C21orf91: variants seen among roughly 807,000 people sequenced by gnomAD.
C21orf91 encodes chromosome 21 open reading frame 91.
A neutral mutation model predicts 32.9 loss-of-function variants in C21orf91; 26 were observed. The ratio of observed to expected loss-of-function variants is 0.79; its 90% CI spans 0.58 to 1.10. C21orf91 has a LOEUF of 1.10. C21orf91 is among the 50% of genes least tolerant of loss of function. The pLI, the probability that C21orf91 is intolerant of heterozygous loss-of-function variation, is 0.00. For synonymous variants in C21orf91, 126 were observed against 120.4 expected (o/e 1.05, Z -0.31); for missense variants, 310 against 341.3 (o/e 0.91, Z 0.72).
chr21:17,793,520 A>G lies in C21orf91; in HGVS notation c.789T>C (p.His263=), dbSNP rs765697639. 4 of 1,613,860 alleles carry G rather than the reference A, an allele frequency of 2.5e-6. No homozygotes were observed. Among genetic ancestry groups the G allele is most frequent in the Non-Finnish European group, 3.4e-6 (4 of 1,179,786 alleles). The change falls in exon 5 of 5, where the codon CAT becomes CAC. Residue 263 remains histidine, a synonymous_variant. Transcript: ENST00000284881. ...GCTGTTCGATGGCAACGTGGCGGAC[A>G]TGGAGCTGTGAGGCCAAAGAATCTT... The part of the protein sequence containing the change: ...QEKDSLASQL[H]VRHVAIEQLL...
rs1301734842 is a variant in C21orf91, at chr21:17,790,563, T to C, written c.*2852A>G. The C allele has an allele frequency of 6.6e-6, 1 of 152,098 alleles. No homozygotes were observed. The highest frequency in any genetic ancestry group is 1.5e-5 in the Non-Finnish European group (1 of 67,934). 9.4% of individuals were successfully genotyped at this position (152,098 alleles called of 1,614,324 possible). ...TAAAAATGGGCACTTTGTGGTAAAA[T>C]GAACATGTGTTTTGAAAAACTAAGA... is the stretch of plus-strand genomic sequence containing the variant. On this transcript the variant is annotated 3_prime_UTR_variant, in exon 5 of 5. Coordinates refer to ENST00000284881, the MANE Select transcript of C21orf91 (RefSeq NM_001100420.2).
chr21:17,813,036 T>C (rs1244842246), intron 2 of C21orf91, among the ~76,000 whole-genome samples: 1 of 152,182 alleles, frequency 6.6e-6, no homozygotes, highest in African/African-American at 2.4e-5. Flanking sequence ...AAGATAAGTA[T>C]ATTAAAGATC....
chr21:17,796,934 C>T lies in C21orf91; in HGVS notation c.312G>A (p.Lys104=). The part of the protein sequence containing the change: ...INWIVQYAQN[K]DLDSDSECSK... ...AACATTCAGAATCTGAATCCAGATC[C>T]TTATTTTGTGCATACTGCACAATCC... is the stretch of plus-strand genomic sequence containing the variant. The change falls in exon 3 of 5, where the codon AAG becomes AAA. Residue 104 remains lysine, a synonymous_variant. Coordinates refer to ENST00000284881, the MANE Select transcript of C21orf91 (RefSeq NM_001100420.2). 1 of 1,613,304 alleles carries T rather than the reference C, an allele frequency of 6.2e-7. No individual in the cohort carries two copies. Among genetic ancestry groups the T allele is most frequent in the Non-Finnish European group, 8.5e-7 (1 of 1,179,448 alleles).
chr21:17,815,716 G>C (rs909435861), intron 2 of C21orf91, among the ~76,000 whole-genome samples: 2 of 151,568 alleles, frequency 1.3e-5, no homozygotes, highest in Admixed American at 1.3e-4. Flanking sequence ...GATGGAGTGC[G>C]ATGGCACAAT....
At chr21:17,799,427 G>A (rs1352163617) in intron 2 of C21orf91, among the ~76,000 whole-genome samples, 6 of 151,928 alleles carry the variant, frequency 3.9e-5, no homozygotes, top group Non-Finnish European at 8.8e-5. Context: ...ACTGAATCTG[G>A]CATCACCAAC....
chr21:17,796,443 TTGCTAAGGTG>T (rs1396817686), intron 3 of C21orf91, 129 bp downstream of exon 3: 4 of 651,528 alleles, frequency 6.1e-6, no homozygotes, highest in Non-Finnish European at 1.1e-5. Flanking sequence ...TGTCTCATTT[TTGCTAAGGTG>T]AACCTGTTAA....
intron 2 of C21orf91, among the ~76,000 whole-genome samples, chr21:17,812,644 C>T (rs1026948676): frequency 2.6e-5 from 4 of 152,036 alleles, no homozygotes; most frequent in Admixed American, 2.6e-4. Context: ...CCCGTCTCTA[C>T]TAAAACTACA....
rs2062489929 is a variant in C21orf91, at chr21:17,793,119, T to A, written c.*296A>T. The stretch of plus-strand genomic sequence containing the variant: ...GGAGTTAATCTGTTGTTTTGACAGG[T>A]GAATTAAAATGTTTAATAAAATGAC... On this transcript the variant is annotated 3_prime_UTR_variant, in exon 5 of 5. Coordinates refer to ENST00000284881, the MANE Select transcript of C21orf91 (RefSeq NM_001100420.2). The A allele has an allele frequency of 5.4e-6, 1 of 185,882 alleles. No individual in the cohort carries two copies. 11.5% of individuals were successfully genotyped at this position (185,882 alleles called of 1,614,324 possible).
chr21:17,809,018 T>TG (rs1036623584), intron 2 of C21orf91: 8 of 152,732 alleles, frequency 5.2e-5, no homozygotes, highest in African/African-American at 1.4e-4. Flanking sequence ...CCTCCTTCTT[T>TG]GGCCATTAAG....
At chr21:17,804,609 G>C (rs981058965) in intron 2 of C21orf91, among the ~76,000 whole-genome samples, 2 of 152,204 alleles carry the variant, frequency 1.3e-5, no homozygotes, top group Non-Finnish European at 2.9e-5. Context: ...CGCACATTTT[G>C]AGAATTACTG....
chr21:17,791,973 A>C lies in C21orf91; in HGVS notation c.*1442T>G, dbSNP rs2062477737. ...TTTGCTTAAATACTTTCTTGTGTTC[A>C]ACAACAAAATCTGACCCAAGCCAGG... On this transcript the variant is annotated 3_prime_UTR_variant, in exon 5 of 5. Transcript: ENST00000284881. 1 of 152,136 alleles carries C rather than the reference A, an allele frequency of 6.6e-6. No homozygotes were observed. The highest frequency in any genetic ancestry group is 1.5e-5 in the Non-Finnish European group (1 of 67,962). The allele number at this position is 152,136 out of a possible 1,614,324, so 9.4% of individuals were successfully genotyped here.
At position 17,792,013 on chromosome 21, in the gene C21orf91, T is replaced by G. The variant is rs991630266; in HGVS notation, c.*1402A>C. On this transcript the variant is annotated 3_prime_UTR_variant, in exon 5 of 5. Coordinates refer to ENST00000284881, the MANE Select transcript of C21orf91 (RefSeq NM_001100420.2). Reference sequence around the variant, plus strand: ...CCCAAGCCAGGGTAGGCTGCCAAATTTAAGGCAAATGTCATTTATATCTTT... The same window carrying G: ...CCCAAGCCAGGGTAGGCTGCCAAATGTAAGGCAAATGTCATTTATATCTTT... 5.3e-5 allele frequency: 8 copies of G among 152,112 alleles called. No homozygotes were observed. Among genetic ancestry groups the G allele is most frequent in the African/African-American group, 1.9e-4 (8 of 41,438 alleles). The allele number at this position is 152,112 out of a possible 1,614,324, so 9.4% of individuals were successfully genotyped here.
intron 2 of C21orf91, among the ~76,000 whole-genome samples, chr21:17,803,960 C>A (rs917856661): frequency 6.6e-6 from 1 of 152,172 alleles, no homozygotes; most frequent in Admixed American, 6.5e-5. Flanking sequence ...GGCTGCTGAA[C>A]TGGGTATGTG....
At chr21:17,812,464 G>A (rs2062638396) in intron 2 of C21orf91, among the ~76,000 whole-genome samples, 1 of 152,174 alleles carries the variant, frequency 6.6e-6, no homozygotes, top group South Asian at 2.1e-4. Flanking sequence ...AATGAATGAA[G>A]CAATGTCATT....
At chr21:17,814,650 A>G (rs1296139019) in intron 2 of C21orf91, among the ~76,000 whole-genome samples, 1 of 151,978 alleles carries the variant, frequency 6.6e-6, no homozygotes, top group East Asian at 1.9e-4. Context: ...GAAGAGAGTG[A>G]GGGGGGGAGG....
intron 2 of C21orf91, among the ~76,000 whole-genome samples, chr21:17,809,783 T>C (rs1227121818): frequency 3.9e-5 from 6 of 152,202 alleles, no homozygotes; most frequent in Non-Finnish European, 8.8e-5. Flanking sequence ...TGACACTTAG[T>C]AGTTGCTCAG....
At chr21:17,813,245 A>T (rs1253691678) in intron 2 of C21orf91, among the ~76,000 whole-genome samples, 1 of 152,240 alleles carries the variant, frequency 6.6e-6, no homozygotes, top group Non-Finnish European at 1.5e-5. Context: ...GAAGCAGGAC[A>T]TAGAGGAACA....
chr21:17,811,201 T>C (rs2062630322), intron 2 of C21orf91, among the ~76,000 whole-genome samples: 1 of 152,220 alleles, frequency 6.6e-6, no homozygotes, highest in Non-Finnish European at 1.5e-5. Context: ...TTGGAATAGT[T>C]ACCCAGACTC....
At chr21:17,817,244 G>GA (rs1448951354) in intron 2 of C21orf91, among the ~76,000 whole-genome samples, 1 of 152,066 alleles carries the variant, frequency 6.6e-6, no homozygotes, top group African/African-American at 2.4e-5. Context: ...AATAATTTCT[G>GA]AATAACAAGT....
Sources: gnomAD v4.1 joint callset for allele counts (sites outside exome capture counted in the v4.1 genomes callset) on GRCh38, gnomAD v4.1.1 for gene constraint, MANE v1.5 for transcripts, NCBI Gene and HGNC (gene_info 2026-07-23, HGNC 2026-07-21) for gene names.